The following PARD3 variants were observed in gnomAD, a reference collection of about 807,000 sequenced individuals.
The protein encoded by PARD3 is par-3 family cell polarity regulator, also known as partitioning defective 3 homolog.
PARD3 carries 75 observed loss-of-function variants against 155.4 expected under a neutral mutation model. The observed-to-expected ratio is 0.48, with a 90% CI of 0.40 to 0.58. The LOEUF is 0.58. PARD3 is among the 20% of genes least tolerant of loss of function. PARD3 has a pLI of 0.00. For synonymous variants in PARD3, 576 were observed against 610.5 expected (o/e 0.94, Z 0.83); for missense variants, 1,642 against 1,721.7 (o/e 0.95, Z 0.82).
chr10:34,199,058 G>A (rs901861099), intron 22 of PARD3, among the ~76,000 whole-genome samples: 18 of 152,116 alleles, frequency 1.2e-4, no homozygotes, highest in Admixed American at 6.6e-5. Context: ...CAAGGAATGG[G>A]ACTGAATTAA....
At chr10:34,157,126 C>T (rs903258715) in intron 22 of PARD3, among the ~76,000 whole-genome samples, 1 of 151,984 alleles carries the variant, frequency 6.6e-6, no homozygotes, top group African/African-American at 2.4e-5. Flanking sequence ...CAAAAGAACA[C>T]GCGTTATCAA....
intron 5 of PARD3, among the ~76,000 whole-genome samples, chr10:34,421,581 C>T (rs1419592565): frequency 6.6e-6 from 1 of 152,024 alleles, no homozygotes; most frequent in Admixed American, 6.6e-5. Flanking sequence ...AAGCCATGAA[C>T]TCTTTTCCTA....
intron 1 of PARD3, among the ~76,000 whole-genome samples, chr10:34,753,611 C>T (rs1428715118): frequency 6.6e-6 from 1 of 152,234 alleles, no homozygotes; most frequent in African/African-American, 2.4e-5. Context: ...ATTTAGCCTA[C>T]TTATTGATAA....
At chr10:34,704,710 T>G (rs1254114206) in intron 1 of PARD3, among the ~76,000 whole-genome samples, 2 of 152,234 alleles carry the variant, frequency 1.3e-5, no homozygotes, top group Admixed American at 6.5e-5. Flanking sequence ...ATCCTAGTAG[T>G]GCTATCTGAT....
intron 3 of PARD3, among the ~76,000 whole-genome samples, chr10:34,487,205 C>G (rs533282687): frequency 6.6e-6 from 1 of 152,196 alleles, no homozygotes; most frequent in East Asian, 1.9e-4. Flanking sequence ...ACTCTCTTTT[C>G]TAAGGTCGGC....
At chr10:34,142,763 T>C (rs1388734142) in intron 22 of PARD3, among the ~76,000 whole-genome samples, 1 of 152,172 alleles carries the variant, frequency 6.6e-6, no homozygotes, top group East Asian at 1.9e-4. Context: ...ATAGTGTGAT[T>C]TTCTTGAATT....
chr10:34,467,510 C>A (rs186998816), intron 4 of PARD3, among the ~76,000 whole-genome samples: 1 of 152,070 alleles, frequency 6.6e-6, no homozygotes, highest in East Asian at 1.9e-4. Flanking sequence ...GCCTTTGGGA[C>A]GCTGAGATGG....
chr10:34,334,893 A>G (rs997989576), intron 18 of PARD3, among the ~76,000 whole-genome samples: 21 of 152,008 alleles, frequency 1.4e-4, no homozygotes, highest in African/African-American at 4.8e-4. Context: ...GTAGATCACA[A>G]TAAACTGTCC....
At chr10:34,220,720 T>G (rs1228760133) in intron 22 of PARD3, among the ~76,000 whole-genome samples, 1 of 152,230 alleles carries the variant, frequency 6.6e-6, no homozygotes. Context: ...GAAGATTATG[T>G]GCACTTCTCA....
chr10:34,574,695 T>C (rs1036599544), intron 2 of PARD3, among the ~76,000 whole-genome samples: 5 of 152,212 alleles, frequency 3.3e-5, no homozygotes, highest in Admixed American at 6.5e-5. Context: ...TTTACGGCAG[T>C]GTTCCCTTTA....
intron 15 of PARD3, chr10:34,344,745 A>C (rs552184000): frequency 4.1e-6 from 4 of 985,330 alleles, no homozygotes; most frequent in Non-Finnish European, 4.8e-6. Context: ...ATTCTGTCAA[A>C]AGAGATGACA....
chr10:34,142,597 G>A (rs117131756), intron 22 of PARD3, among the ~76,000 whole-genome samples: 301 of 150,530 alleles, frequency 2.0e-3, no homozygotes, highest in Middle Eastern at 0.017. Context: ...GGCAGGGAGG[G>A]AGGGAGGAAA....
At chr10:34,379,737 TG>T (rs1248881841) in intron 9 of PARD3, among the ~76,000 whole-genome samples, 2 of 152,072 alleles carry the variant, frequency 1.3e-5, no homozygotes. Flanking sequence ...CTGCACTGAC[TG>T]AAACAGATTA....
chr10:34,726,455 A>G (rs923573376), intron 1 of PARD3, among the ~76,000 whole-genome samples: 36 of 152,294 alleles, frequency 2.4e-4, no homozygotes, highest in Admixed American at 2.1e-3. Context: ...GCGTGGTGGC[A>G]CACACCCATA....
chr10:34,386,432 A>C (rs1204544480), intron 7 of PARD3, among the ~76,000 whole-genome samples: 1 of 152,186 alleles, frequency 6.6e-6, no homozygotes, highest in East Asian at 1.9e-4. Flanking sequence ...AAATGAAGTT[A>C]TTGTTTAAAT....
chr10:34,526,591 TTCTTTCTAG>T (rs2082501615), intron 2 of PARD3, among the ~76,000 whole-genome samples: 1 of 152,178 alleles, frequency 6.6e-6, no homozygotes, highest in Non-Finnish European at 1.5e-5. Context: ...GGAAGGCCCT[TTCTTTCTAG>T]TCTTTTTACC....
intron 21 of PARD3, among the ~76,000 whole-genome samples, chr10:34,273,234 C>T (rs1273173979): frequency 6.6e-6 from 1 of 151,914 alleles, no homozygotes; most frequent in Non-Finnish European, 1.5e-5. Context: ...AAATAGCTCA[C>T]AATAGGTGAA....
In PARD3 at chr10:34,545,440, T is replaced by C. The variant is rs895181386; in HGVS notation, c.223-28281A>G. 3.3e-5 allele frequency among the ~76,000 whole-genome samples: 5 copies of C among 152,328 alleles called. No homozygotes were observed. The South Asian group carries it at 1.0e-3, about 32-fold the overall frequency. On this transcript the variant is annotated intron_variant, in intron 2 of 24. Transcript: ENST00000374788. ...CAGATATAAACATTTGGACATGGTA[T>C]CAGTAAGAAATTTGTTGACATGGAC...
At chr10:34,199,136 G>A (rs1951090656) in intron 22 of PARD3, among the ~76,000 whole-genome samples, 1 of 152,116 alleles carries the variant, frequency 6.6e-6, no homozygotes, top group African/African-American at 2.4e-5. Context: ...CCCATGACAG[G>A]ATCCAATCAG....
Sources: allele counts gnomAD v4.1 joint callset (sites outside exome capture counted in the v4.1 genomes callset), GRCh38; gene constraint gnomAD v4.1.1; transcripts MANE v1.5; gene names NCBI Gene and HGNC (gene_info 2026-07-23, HGNC 2026-07-21).